PKHD1L1: variants seen among roughly 807,000 people sequenced by gnomAD.
PKHD1L1 encodes the protein PKHD1 like 1.
PKHD1L1 carries 434 observed loss-of-function variants against 462.9 expected under a neutral mutation model. The ratio of observed to expected loss-of-function variants is 0.94; its 90% CI spans 0.87 to 1.02. The LOEUF (loss-of-function observed/expected upper bound fraction) is 1.02. PKHD1L1 is among the 50% of genes least tolerant of loss of function. PKHD1L1 has a pLI of 0.00. For missense variants in PKHD1L1, 5,202 were observed against 5,096.1 expected, an observed-to-expected ratio of 1.02 and a Z score of -0.63; for synonymous variants, 1,781 against 1,750.0, an observed-to-expected ratio of 1.02 and a Z score of -0.44.
intron 76 of PKHD1L1, among the ~76,000 whole-genome samples, chr8:109,524,211 T>C (rs1037564540): frequency 6.6e-6 from 1 of 152,162 alleles, no homozygotes; most frequent in African/African-American, 2.4e-5. Flanking sequence ...TTAAGATAGT[T>C]AGGGGCCTTA....
chr8:109,493,981 G>A (rs139103024), intron 63 of PKHD1L1, among the ~76,000 whole-genome samples: 9 of 151,750 alleles, frequency 5.9e-5, no homozygotes, highest in Admixed American at 3.9e-4. Context: ...AAACTCCAAC[G>A]ACAACTTGAG....
chr8:109,371,508 A>G (rs577657010), intron 2 of PKHD1L1, among the ~76,000 whole-genome samples: 14 of 149,922 alleles, frequency 9.3e-5, no homozygotes, highest in African/African-American at 3.2e-4. Flanking sequence ...CTTTAGTTTA[A>G]TTAGATCCCA....
chr8:109,427,715 T>C (rs1464703777), intron 25 of PKHD1L1, among the ~76,000 whole-genome samples: 1 of 151,950 alleles, frequency 6.6e-6, no homozygotes, highest in East Asian at 1.9e-4. Context: ...GGGACTCAGA[T>C]TGTCAAACAT....
chr8:109,374,251 T>C (rs1467480193), intron 2 of PKHD1L1, among the ~76,000 whole-genome samples: 4 of 152,200 alleles, frequency 2.6e-5, no homozygotes, highest in Admixed American at 2.6e-4. Context: ...TTTACCATTA[T>C]GTAATGGCCT....
intron 58 of PKHD1L1, 86 bp downstream of exon 58, chr8:109,485,259 CAT>C (rs1818468797): frequency 8.3e-7 from 1 of 1,202,088 alleles, no homozygotes; most frequent in Non-Finnish European, 1.1e-6. Context: ...TTTGATAAAA[CAT>C]GTCACAAATA....
chr8:109,460,433 G>GA (rs1374629339), intron 47 of PKHD1L1, among the ~76,000 whole-genome samples: 23 of 152,090 alleles, frequency 1.5e-4, no homozygotes, highest in Non-Finnish European at 2.8e-4. Flanking sequence ...ATGATGGGGG[G>GA]AAAATCTATA....
intron 22 of PKHD1L1, 140 bp downstream of exon 22, chr8:109,419,400 A>G (rs561963595): frequency 1.6e-6 from 1 of 628,876 alleles, no homozygotes. Flanking sequence ...GAATAATATT[A>G]TGATTTTATT....
Position 109,381,479 on chromosome 8 carries a change from T to C in PKHD1L1, c.273T>C (p.Asp91=), listed in dbSNP as rs1461741410. Residue 91 remains aspartate, a synonymous_variant, in exon 3 of 78, where the codon GAT becomes GAC. Coordinates refer to ENST00000378402, the MANE Select transcript of PKHD1L1 (RefSeq NM_177531.6). The stretch of plus-strand genomic sequence containing the variant: ...CAATTACTTGTGATGTAGAAAAAGA[T>C]GCAAGTCATTCAACTCAAATTACAT... ...FQSITCDVEK[D]ASHSTQITCY... 1 of 1,582,912 alleles carries C rather than the reference T, an allele frequency of 6.3e-7. No individual in the cohort carries two copies. Among genetic ancestry groups the C allele is most frequent in the Admixed American group, 1.8e-5 (1 of 56,052 alleles).
chr8:109,445,958 T>A (rs967238964), intron 38 of PKHD1L1, among the ~76,000 whole-genome samples: 1 of 152,180 alleles, frequency 6.6e-6, no homozygotes, highest in Non-Finnish European at 1.5e-5. Context: ...ATGTTATTGA[T>A]GTTGATTTGC....
Position 109,384,510 on chromosome 8 carries a change from C to G in PKHD1L1, c.475+383C>G, listed in dbSNP as rs1812331995. Among the ~76,000 whole-genome samples, 4 of 151,890 alleles carry G rather than the reference C, an allele frequency of 2.6e-5. No homozygotes were observed. The South Asian group carries it at 8.3e-4, about 32-fold the overall frequency. ...GTGAGACATGATTGAACTTACATGA[C>G]AGAGCAAGATCCTATCTGAAAAAAA... On this transcript the variant is annotated intron_variant, in intron 5 of 77. Coordinates refer to ENST00000378402, the MANE Select transcript of PKHD1L1 (RefSeq NM_177531.6).
chr8:109,523,743 A>C (rs1041130810), intron 76 of PKHD1L1, among the ~76,000 whole-genome samples: 3 of 152,190 alleles, frequency 2.0e-5, no homozygotes, highest in Admixed American at 2.0e-4. Context: ...TATAACTTTA[A>C]TGTCTTAAGG....
chr8:109,404,764 G>C, intron 15 of PKHD1L1, 51 bp downstream of exon 15: 1 of 1,481,978 alleles, frequency 6.7e-7, no homozygotes, highest in Non-Finnish European at 9.0e-7. Flanking sequence ...TCGAAGGCAG[G>C]ATCTCAATTT....
Position 109,420,566 on chromosome 8 carries a change from T to C in PKHD1L1, c.2573T>C (p.Leu858Ser), listed in dbSNP as rs1814408798. Reference protein sequence around the residue: ...LPALANKGIFLEHFQVNQTKT... With the variant: ...LPALANKGIFSEHFQVNQTKT... ...GCATTAGCAAATAAAGGAATATTCT[T>C]AGAGCACTTTCAGGTGAATCAGACC... is the stretch of plus-strand genomic sequence containing the variant. The change falls in exon 23 of 78, where the codon TTA (leucine) becomes TCA (serine). Residue 858 changes from leucine (L) to serine (S), a missense_variant. Physicochemically the swap from Leu to Ser is moderately radical, Grantham distance 145. Coordinates refer to ENST00000378402, the MANE Select transcript of PKHD1L1 (RefSeq NM_177531.6). 1 of 1,608,968 alleles carries C rather than the reference T, an allele frequency of 6.2e-7. No homozygotes were observed. Among genetic ancestry groups the C allele is most frequent in the Non-Finnish European group, 8.5e-7 (1 of 1,177,956 alleles).
At chr8:109,429,182 C>T (rs1046347500) in intron 25 of PKHD1L1, among the ~76,000 whole-genome samples, 158 bp from the exon 26 acceptor site, 4 of 151,910 alleles carry the variant, frequency 2.6e-5, no homozygotes, top group Non-Finnish European at 5.9e-5. Flanking sequence ...TTTGAAGAGG[C>T]TCCTTTTATT....
intron 2 of PKHD1L1, among the ~76,000 whole-genome samples, chr8:109,377,676 G>A (rs185844640): frequency 1.1e-3 from 163 of 152,174 alleles, no homozygotes; most frequent in African/African-American, 3.8e-3. Context: ...TTATTCCAAA[G>A]CAGTAAAATA....
chr8:109,445,436 T>A lies in PKHD1L1; in HGVS notation c.5567T>A (p.Phe1856Tyr). 1 of 1,613,986 alleles carries A rather than the reference T, an allele frequency of 6.2e-7. No individual in the cohort carries two copies. The highest frequency in any genetic ancestry group is 8.5e-7 in the Non-Finnish European group (1 of 1,179,888). ...GTTLVITGNG[F>Y]YPGNTTVTIG... Reference sequence around the variant, plus strand: ...ACACTGGTGATCACAGGAAATGGCTTCTATCCAGGCAACACTACAGTCACT... The same window carrying A: ...ACACTGGTGATCACAGGAAATGGCTACTATCCAGGCAACACTACAGTCACT... The change falls in exon 38 of 78, where the codon TTC becomes TAC. Residue 1856 changes from phenylalanine (F) to tyrosine (Y), a missense_variant. Physicochemically the swap from Phe to Tyr is conservative, Grantham distance 22. Coordinates refer to ENST00000378402, the MANE Select transcript of PKHD1L1 (RefSeq NM_177531.6).
At position 109,533,641 on chromosome 8, in the gene PKHD1L1, T is replaced by C. The variant is rs1201916654; in HGVS notation, c.*3551T>C. ...AAAACATAGCTATTATGCATCCCTT[T>C]GCCTTTTCTTCATCCCTTTCTGTTT... On this transcript the variant is annotated 3_prime_UTR_variant, in exon 78 of 78. Transcript: ENST00000378402. Among the ~76,000 whole-genome samples the C allele has an allele frequency of 1.3e-5, 2 of 152,232 alleles. No individual in the cohort carries two copies. Among genetic ancestry groups the C allele is most frequent in the Non-Finnish European group, 2.9e-5 (2 of 68,046 alleles).
At chr8:109,452,024 A>AT (rs149400770) in intron 41 of PKHD1L1, 100 bp from the exon 42 acceptor site, 15,236 of 949,428 alleles carry the variant, frequency 0.016, 51 homozygotes, top group African/African-American at 0.041. Context: ...GAATCAGGTC[A>AT]TTTTTTTTTT....
At position 109,373,370 on chromosome 8, in the gene PKHD1L1, T is replaced by C. The variant is rs1000676011; in HGVS notation, c.164-8000T>C. ...GTGATATCTCCTTTGTAATTTTTTATTGTGTCTATTTGATTCTTCTCTCTT... is the reference window on the plus strand; with the variant it reads ...GTGATATCTCCTTTGTAATTTTTTACTGTGTCTATTTGATTCTTCTCTCTT... On this transcript the variant is annotated intron_variant, in intron 2 of 77. Coordinates refer to ENST00000378402, the MANE Select transcript of PKHD1L1 (RefSeq NM_177531.6). Among the ~76,000 whole-genome samples, 14 of 152,218 alleles carry C rather than the reference T, an allele frequency of 9.2e-5. No individual in the cohort carries two copies. The South Asian group carries it at 1.0e-3, about 11-fold the overall frequency.
Sources: gnomAD v4.1 joint callset for allele counts (sites outside exome capture counted in the v4.1 genomes callset) on GRCh38, gnomAD v4.1.1 for gene constraint, MANE v1.5 for transcripts, NCBI Gene and HGNC (gene_info 2026-07-23, HGNC 2026-07-21) for gene names.